FER: variants seen among roughly 807,000 people sequenced by gnomAD.
The protein encoded by FER is FER tyrosine kinase.
In FER, 63 loss-of-function variants were observed where a neutral mutation model predicts 111.0. The observed-to-expected ratio is 0.57, with a 90% CI of 0.46 to 0.70. The LOEUF (loss-of-function observed/expected upper bound fraction) is 0.70, where lower values mean the gene tolerates loss of function less well. FER is among the 30% of genes least tolerant of loss of function. The probability of loss-of-function intolerance (pLI) is 0.00; values close to 1 mark genes in which losing one functional copy is unlikely to be tolerated. For missense variants in FER, 914 were observed against 954.0 expected (o/e 0.96, Z 0.55); for synonymous variants, 327 against 313.9 (o/e 1.04, Z -0.44).
At chr5:108,751,616 G>A (rs887874831) in intron 1 of FER, among the ~76,000 whole-genome samples, 2 of 152,194 alleles carry the variant, frequency 1.3e-5, no homozygotes, top group African/African-American at 4.8e-5. Context: ...TGATAAATTG[G>A]GTCAATCTTA....
intron 5 of FER, among the ~76,000 whole-genome samples, chr5:108,860,835 C>T (rs539468895): frequency 6.6e-6 from 1 of 152,200 alleles, no homozygotes; most frequent in South Asian, 2.1e-4. Flanking sequence ...GGGGAGGCCT[C>T]AGGAAACTTA....
intron 10 of FER, among the ~76,000 whole-genome samples, chr5:108,936,218 A>T (rs976017319): frequency 2.0e-5 from 3 of 152,052 alleles, no homozygotes; most frequent in Admixed American, 1.3e-4. Context: ...TCAATATTTA[A>T]ACTTTTTATT....
intron 16 of FER, chr5:109,051,384 C>T: frequency 6.2e-7 from 1 of 1,612,484 alleles, no homozygotes; most frequent in Admixed American, 1.7e-5. Flanking sequence ...GTTGCTGGTC[C>T]ACAATGGCTA....
intron 13 of FER, among the ~76,000 whole-genome samples, chr5:109,024,973 A>G (rs1417172371): frequency 2.6e-5 from 4 of 151,110 alleles, no homozygotes; most frequent in Non-Finnish European, 4.4e-5. Context: ...TGTTCCATTG[A>G]TCTATATCTC....
intron 16 of FER, among the ~76,000 whole-genome samples, chr5:109,061,978 G>T (rs1290113158): frequency 2.0e-5 from 3 of 151,368 alleles, no homozygotes; most frequent in Non-Finnish European, 4.4e-5. Flanking sequence ...AGTAGTCCAA[G>T]ATGATTCTGT....
intron 9 of FER, among the ~76,000 whole-genome samples, chr5:108,892,577 A>G (rs1319633959): frequency 6.6e-6 from 1 of 152,174 alleles, no homozygotes; most frequent in Non-Finnish European, 1.5e-5. Flanking sequence ...GCCCTTTGTC[A>G]GATGAGCAGC....
intron 13 of FER, among the ~76,000 whole-genome samples, chr5:109,031,885 T>A (rs1769676373): frequency 6.6e-6 from 1 of 152,204 alleles, no homozygotes; most frequent in Non-Finnish European, 1.5e-5. Flanking sequence ...AAATGACATT[T>A]TGAACAGAGT....
At chr5:108,971,272 CAAAAAAAA>C (rs201694196) in intron 13 of FER, among the ~76,000 whole-genome samples, 4 of 76,332 alleles carry the variant, frequency 5.2e-5, no homozygotes, top group Admixed American at 1.7e-4. Flanking sequence ...GAACCTGTCT[CAAAAAAAA>C]AAAAAAAAAA....
In FER at chr5:109,194,748, T is replaced by A. The variant is rs147221002; in HGVS notation, c.*7173T>A. ...GTAGGAGGGCCTTAAAAAATAAATC[T>A]CAATTCATACACTGGAGCAGCAAAA... On this transcript the variant is annotated 3_prime_UTR_variant, in exon 20 of 20. Coordinates refer to ENST00000281092, the MANE Select transcript of FER (RefSeq NM_005246.4). 1 of 151,870 alleles carries A rather than the reference T, an allele frequency of 6.6e-6. No individual in the cohort carries two copies. Among genetic ancestry groups the A allele is most frequent in the Non-Finnish European group, 1.5e-5 (1 of 67,924 alleles). The allele number at this position is 151,870 out of a possible 1,614,324, so 9.4% of individuals were successfully genotyped here. A position where few individuals can be genotyped will look rare whatever the true frequency, so the allele number is the denominator to read the frequency against.
At chr5:109,141,867 C>T (rs1753558406) in intron 17 of FER, among the ~76,000 whole-genome samples, 1 of 152,118 alleles carries the variant, frequency 6.6e-6, no homozygotes, top group South Asian at 2.1e-4. Flanking sequence ...ATTTGCTATG[C>T]CAATGGAGTG....
At chr5:109,012,094 T>C (rs1766353269) in intron 13 of FER, among the ~76,000 whole-genome samples, 1 of 152,244 alleles carries the variant, frequency 6.6e-6, no homozygotes, top group Non-Finnish European at 1.5e-5. Flanking sequence ...CCGCACTCTT[T>C]GGTGCTCCGC....
At chr5:109,017,938 G>A (rs1463707197) in intron 13 of FER, among the ~76,000 whole-genome samples, 2 of 151,756 alleles carry the variant, frequency 1.3e-5, no homozygotes, top group African/African-American at 4.8e-5. Context: ...GACTTCTATA[G>A]TAACAAACCC....
rs1182780405 is a variant in FER, at chr5:108,809,996, T to C, written c.207+11607T>C. On this transcript the variant is annotated intron_variant, in intron 3 of 19. Coordinates refer to ENST00000281092, the MANE Select transcript of FER (RefSeq NM_005246.4). Reference sequence around the variant, plus strand: ...ATAGTGCCAGAATTCTTGTGCTGGTTCCTTCTCATCTAGAGGTGCTGGCAC... The same window carrying C: ...ATAGTGCCAGAATTCTTGTGCTGGTCCCTTCTCATCTAGAGGTGCTGGCAC... Among the ~76,000 whole-genome samples, 3 of 152,248 alleles carry C rather than the reference T, an allele frequency of 2.0e-5. No individual in the cohort carries two copies. The East Asian group carries it at 5.8e-4, about 29-fold the overall frequency.
chr5:108,970,276 C>G (rs563354988), intron 13 of FER, among the ~76,000 whole-genome samples: 5 of 151,526 alleles, frequency 3.3e-5, no homozygotes, highest in African/African-American at 1.2e-4. Context: ...AGTGCAGTGG[C>G]GCAATCTTGG....
At chr5:108,891,056 A>G (rs1054562697) in intron 9 of FER, among the ~76,000 whole-genome samples, 1 of 152,058 alleles carries the variant, frequency 6.6e-6, no homozygotes, top group Non-Finnish European at 1.5e-5. Context: ...ACTATGCTAT[A>G]TTTGAGCCAT....
intron 17 of FER, among the ~76,000 whole-genome samples, chr5:109,133,680 A>G (rs900374449): frequency 1.3e-5 from 2 of 152,108 alleles, no homozygotes; most frequent in African/African-American, 4.8e-5. Flanking sequence ...TGTTATCTGT[A>G]TCTTCTCCAT....
At chr5:108,870,228 A>C (rs931674371) in intron 6 of FER, among the ~76,000 whole-genome samples, 1 of 152,116 alleles carries the variant, frequency 6.6e-6, no homozygotes, top group African/African-American at 2.4e-5. Flanking sequence ...ACCACAGATG[A>C]ATCTCATGGA....
At chr5:108,986,453 A>G (rs1762587071) in intron 13 of FER, among the ~76,000 whole-genome samples, 1 of 151,696 alleles carries the variant, frequency 6.6e-6, no homozygotes, top group African/African-American at 2.4e-5. Context: ...CATTTAATTA[A>G]GTCTCATATA....
intron 16 of FER, among the ~76,000 whole-genome samples, chr5:109,075,428 ATTTT>A (rs749923297): frequency 6.2e-5 from 8 of 128,530 alleles, no homozygotes; most frequent in Non-Finnish European, 6.6e-5. Flanking sequence ...TTTGCTTAGC[ATTTT>A]TTTTTTTTTT....
Sources: allele counts gnomAD v4.1 joint callset (sites outside exome capture counted in the v4.1 genomes callset), GRCh38; gene constraint gnomAD v4.1.1; transcripts MANE v1.5; gene names NCBI Gene and HGNC (gene_info 2026-07-23, HGNC 2026-07-21).